Variants in QPCT observed in about 807,000 individuals in gnomAD.
QPCT encodes the protein EC.
Under a neutral mutation model 43.4 loss-of-function variants are expected in QPCT, and 44 were observed. The observed-to-expected ratio is 1.01, with a 90% confidence interval of 0.80 to 1.30. QPCT has a LOEUF of 1.30. Among genes scored for constraint, QPCT ranks in the 50% most tolerant of loss-of-function variants. QPCT has a pLI of 0.00. For missense variants in QPCT, 526 were observed against 436.5 expected (o/e 1.21, Z -1.83); for synonymous variants, 168 against 168.4 (o/e 1.00, Z 0.02).
At chr2:37,347,204 T>TATA (rs1558599510) in intron 1 of QPCT, among the ~76,000 whole-genome samples, 3 of 45,452 alleles carry the variant, frequency 6.6e-5, no homozygotes, top group Non-Finnish European at 1.2e-4. Context: ...CATATATATA[T>TATA]AACATATATA....
intron 3 of QPCT, among the ~76,000 whole-genome samples, chr2:37,360,340 G>C (rs1422818566): frequency 1.3e-5 from 2 of 152,158 alleles, no homozygotes; most frequent in African/African-American, 4.8e-5. Flanking sequence ...GCATGAAGCA[G>C]AAATGCATTA....
chr2:37,366,245 G>A (rs1177222427), intron 3 of QPCT, among the ~76,000 whole-genome samples: 1 of 152,168 alleles, frequency 6.6e-6, no homozygotes, highest in Non-Finnish European at 1.5e-5. Flanking sequence ...TCAGACGGAG[G>A]AAAGTGTAAA....
At chr2:37,344,940 G>T in intron 1 of QPCT, 89 bp downstream of exon 1, 3 of 1,447,244 alleles carry the variant, frequency 2.1e-6, no homozygotes, top group Non-Finnish European at 2.7e-6. Flanking sequence ...TAGGCAGAGC[G>T]GGAGGCGGGG....
At position 37,352,368 on chromosome 2, in the gene QPCT, G is replaced by A. The variant is rs150478396; in HGVS notation, c.121-421G>A. Among the ~76,000 whole-genome samples the A allele has an allele frequency of 4.9e-3, 750 of 152,096 alleles. 2 individuals carry two copies. Among genetic ancestry groups the A allele is most frequent in the Non-Finnish European group, 7.5e-3 (510 of 67,986 alleles). On this transcript the variant is annotated intron_variant, in intron 1 of 6. Transcript: ENST00000338415. Reference sequence around the variant, plus strand: ...TACTGAGACAGGGTCTCCTTCTGTTGCCCAGCTGGAGGGCTCAGTAACACA... The same window carrying A: ...TACTGAGACAGGGTCTCCTTCTGTTACCCAGCTGGAGGGCTCAGTAACACA...
chr2:37,366,261 T>G lies in QPCT; in HGVS notation c.547-971T>G, dbSNP rs185660676. Among the ~76,000 whole-genome samples, 289 of 152,288 alleles carry G rather than the reference T, an allele frequency of 1.9e-3. 1 individual carries two copies. Among genetic ancestry groups the G allele is most frequent in the African/African-American group, 6.7e-3 (279 of 41,556 alleles). ...CAGACGGAGGAAAGTGTAAAATCAG[T>G]TAGAATCCTAGTCACTCTTTTTAGT... On this transcript the variant is annotated intron_variant, in intron 3 of 6. Coordinates refer to ENST00000338415, the MANE Select transcript of QPCT (RefSeq NM_012413.4).
intron 4 of QPCT, among the ~76,000 whole-genome samples, chr2:37,369,013 G>T (rs1401842313): frequency 6.6e-6 from 1 of 151,998 alleles, no homozygotes; most frequent in Non-Finnish European, 1.5e-5. Flanking sequence ...TATGTGTTAG[G>T]ATGTATGCTA....
chr2:37,372,222 T>G (rs989096037), intron 5 of QPCT, 134 bp from the exon 6 acceptor site: 17 of 711,334 alleles, frequency 2.4e-5, no homozygotes, highest in Middle Eastern at 2.7e-4. Flanking sequence ...GGTGTGGCCA[T>G]GCTTGCTGTT....
At chr2:37,355,860 C>A (rs1171883547) in intron 2 of QPCT, among the ~76,000 whole-genome samples, 1 of 152,032 alleles carries the variant, frequency 6.6e-6, no homozygotes, top group Non-Finnish European at 1.5e-5. Flanking sequence ...GGGGTAAAAT[C>A]CCCCACAGGT....
chr2:37,360,759 T>C (rs182154846), intron 3 of QPCT, among the ~76,000 whole-genome samples: 439 of 152,298 alleles, frequency 2.9e-3, no homozygotes, highest in African/African-American at 9.9e-3. Flanking sequence ...TCCTTTTCAC[T>C]TCTTTTTTTT....
At chr2:37,362,386 T>G (rs937978901) in intron 3 of QPCT, among the ~76,000 whole-genome samples, 3 of 152,230 alleles carry the variant, frequency 2.0e-5, no homozygotes, top group African/African-American at 7.2e-5. Context: ...TATTTAATGC[T>G]TATTAAACCC....
intron 3 of QPCT, among the ~76,000 whole-genome samples, chr2:37,363,539 G>A (rs1221286427): frequency 6.6e-6 from 1 of 151,372 alleles, no homozygotes; most frequent in African/African-American, 2.4e-5. Context: ...GCTGAGGCAG[G>A]AGGATTGCTT....
At chr2:37,347,372 G>T (rs1234944683) in intron 1 of QPCT, among the ~76,000 whole-genome samples, 1 of 149,882 alleles carries the variant, frequency 6.7e-6, no homozygotes, top group Admixed American at 6.7e-5. Flanking sequence ...GAAGAGCTAG[G>T]GTTTGGCTTA....
At chr2:37,355,527 A>T (rs1294664378) in intron 2 of QPCT, among the ~76,000 whole-genome samples, 1 of 152,180 alleles carries the variant, frequency 6.6e-6, no homozygotes, top group Non-Finnish European at 1.5e-5. Context: ...TTTGTGAATT[A>T]ACTTTTGTAG....
chr2:37,347,178 T>C lies in QPCT; in HGVS notation c.120+2327T>C, dbSNP rs1203087160. The stretch of plus-strand genomic sequence containing the variant: ...TATATATATATAACATATATATATA[T>C]AACATATATATATAACATATATATA... On this transcript the variant is annotated intron_variant, in intron 1 of 6. Coordinates refer to ENST00000338415, the MANE Select transcript of QPCT (RefSeq NM_012413.4). Among the ~76,000 whole-genome samples, 10 of 56,410 alleles carry C rather than the reference T, an allele frequency of 1.8e-4. 2 individuals carry two copies. The South Asian group carries it at 4.9e-3, about 28-fold the overall frequency. The allele number at this position is 56,410 out of a possible 152,430, so 37.0% of individuals were successfully genotyped here. A position where few individuals can be genotyped will look rare whatever the true frequency, so the allele number is the denominator to read the frequency against.
At chr2:37,359,232 T>C (rs912762933) in intron 2 of QPCT, among the ~76,000 whole-genome samples, 21 of 152,040 alleles carry the variant, frequency 1.4e-4, no homozygotes, top group Admixed American at 1.1e-3. Context: ...CTGCCAAATA[T>C]ATGTGTTTGT....
At chr2:37,344,899 T>A in intron 1 of QPCT, 48 bp downstream of exon 1, 1 of 1,503,144 alleles carries the variant, frequency 6.7e-7, no homozygotes, top group Non-Finnish European at 8.9e-7. Context: ...TCTGGTCCGA[T>A]GCGAGGACCC....
chr2:37,356,706 A>G (rs1331087590), intron 2 of QPCT, among the ~76,000 whole-genome samples: 1 of 152,166 alleles, frequency 6.6e-6, no homozygotes, highest in Non-Finnish European at 1.5e-5. Context: ...AAATAGTTAC[A>G]CTGAACAAAA....
At chr2:37,364,041 T>C (rs1435934309) in intron 3 of QPCT, among the ~76,000 whole-genome samples, 2 of 152,160 alleles carry the variant, frequency 1.3e-5, no homozygotes, top group African/African-American at 4.8e-5. Context: ...GCACTGGACT[T>C]CTCAATAGAA....
At chr2:37,347,172 TATATATAACATATATATATAA>T (rs1558599362) in intron 1 of QPCT, among the ~76,000 whole-genome samples, 5 of 89,276 alleles carry the variant, frequency 5.6e-5, no homozygotes, top group Non-Finnish European at 8.2e-5. Context: ...ATAACATATA[TATATATAACATATATATATAA>T]CATATATATA....
Sources: allele counts gnomAD v4.1 joint callset (sites outside exome capture counted in the v4.1 genomes callset), GRCh38; gene constraint gnomAD v4.1.1; transcripts MANE v1.5; gene names NCBI Gene and HGNC (gene_info 2026-07-23, HGNC 2026-07-21).